The following NALCN variants were observed in gnomAD, a reference collection of about 807,000 sequenced individuals.
The protein encoded by NALCN is sodium leak channel, non-selective, also known as sodium leak channel NALCN.
Under a neutral mutation model 225.3 loss-of-function variants are expected in NALCN, and 111 were observed. That is an observed-to-expected ratio of 0.49 (90% CI 0.42 to 0.58). The LOEUF (loss-of-function observed/expected upper bound fraction) is 0.58, where lower values mean the gene tolerates loss of function less well. NALCN is among the 20% of genes least tolerant of loss of function. The probability of loss-of-function intolerance (pLI) is 0.00; values close to 1 mark genes in which losing one functional copy is unlikely to be tolerated. For synonymous variants in NALCN, 764 were observed against 769.0 expected (o/e 0.99, Z 0.11); for missense variants, 1,378 against 2,202.4 (o/e 0.63, Z 7.49).
chr13:101,121,321 C>T (rs958437849), intron 18 of NALCN, among the ~76,000 whole-genome samples: 2 of 152,110 alleles, frequency 1.3e-5, no homozygotes, highest in East Asian at 1.9e-4. Flanking sequence ...CAAGGGGTTG[C>T]TTTATTTTTT....
At position 101,204,554 on chromosome 13, in the gene NALCN, C is replaced by A. The variant is rs61247503; in HGVS notation, c.1627-12500G>T. Among the ~76,000 whole-genome samples, 1,097 of 152,142 alleles carry A rather than the reference C, an allele frequency of 7.2e-3. 16 individuals are homozygous for A. The highest frequency in any genetic ancestry group is 0.025 in the African/African-American group (1,052 of 41,510). Reference sequence around the variant, plus strand: ...TGAACATAATTAGAAGCAAAGCAGACATCAGAACATTATGCCTATTCCAGC... The same window carrying A: ...TGAACATAATTAGAAGCAAAGCAGAAATCAGAACATTATGCCTATTCCAGC... On this transcript the variant is annotated intron_variant, in intron 13 of 43. Transcript: ENST00000251127.
At chr13:101,098,926 G>A (rs1033271723) in intron 27 of NALCN, among the ~76,000 whole-genome samples, 4 of 151,848 alleles carry the variant, frequency 2.6e-5, no homozygotes, top group African/African-American at 4.8e-5. Flanking sequence ...TCTGAGCCTC[G>A]CACAGACCTC....
rs553846969 is a variant in NALCN at position 101,100,832 on chromosome 13, A to C, written c.3114T>G (p.Leu1038=). 2 of 1,612,248 alleles carry C rather than the reference A, an allele frequency of 1.2e-6. No individual in the cohort carries two copies. Among genetic ancestry groups the C allele is most frequent in the South Asian group, 2.2e-5 (2 of 90,752 alleles). ...MLVFASFGVQ[L]FAGKLAKCND... is the part of the protein sequence containing the mutation. The stretch of plus-strand genomic sequence containing the variant: ...TGCACTTGGCCAGTTTTCCAGCAAA[A>C]AGCTGAACTCCAAAGCTTGCAAAAA... Residue 1038 remains leucine, a synonymous_variant, in exon 27 of 44, where the codon CTT becomes CTG. Transcript: ENST00000251127.
intron 7 of NALCN, among the ~76,000 whole-genome samples, chr13:101,313,943 A>C (rs1193116012): frequency 3.3e-5 from 5 of 152,154 alleles, no homozygotes; most frequent in Admixed American, 2.6e-4. Context: ...TGGATTAGGA[A>C]AATGTGGCAC....
intron 17 of NALCN, among the ~76,000 whole-genome samples, chr13:101,132,309 AT>A (rs2036556985): frequency 6.6e-6 from 1 of 151,652 alleles, no homozygotes; most frequent in Non-Finnish European, 1.5e-5. Flanking sequence ...TTTTGTGGTT[AT>A]TTTCTTCTTA....
intron 6 of NALCN, among the ~76,000 whole-genome samples, chr13:101,375,955 G>T (rs2046677384): frequency 6.6e-6 from 1 of 152,014 alleles, no homozygotes; most frequent in South Asian, 2.1e-4. Flanking sequence ...TATTAACAAT[G>T]ATCAGCCAAG....
intron 15 of NALCN, among the ~76,000 whole-genome samples, chr13:101,162,214 C>T (rs974247643): frequency 4.6e-5 from 7 of 152,160 alleles, no homozygotes; most frequent in African/African-American, 1.7e-4. Context: ...TCAATCTTTA[C>T]ACAGTTAGGA....
At chr13:101,194,092 T>C (rs897995988) in intron 13 of NALCN, among the ~76,000 whole-genome samples, 1 of 152,208 alleles carries the variant, frequency 6.6e-6, no homozygotes, top group Admixed American at 6.5e-5. Flanking sequence ...GTCTTGGGCA[T>C]GAACCAGCTG....
intron 7 of NALCN, among the ~76,000 whole-genome samples, chr13:101,305,128 G>C (rs554966461): frequency 2.0e-5 from 3 of 152,100 alleles, no homozygotes; most frequent in African/African-American, 7.2e-5. Flanking sequence ...TATACCTGAC[G>C]GTTTTTATGA....
chr13:101,319,237 C>T (rs1428985414), intron 7 of NALCN, among the ~76,000 whole-genome samples: 1 of 152,290 alleles, frequency 6.6e-6, no homozygotes, highest in Non-Finnish European at 1.5e-5. Context: ...CTTGTCTAGT[C>T]CTAACCTGCT....
intron 6 of NALCN, among the ~76,000 whole-genome samples, chr13:101,371,422 G>A (rs2046536733): frequency 6.6e-6 from 1 of 152,116 alleles, no homozygotes; most frequent in Admixed American, 6.6e-5. Flanking sequence ...GGGCTCAAGT[G>A]ATCATCCCAC....
chr13:101,408,062 G>T (rs1259467670), intron 1 of NALCN, among the ~76,000 whole-genome samples: 1 of 152,114 alleles, frequency 6.6e-6, no homozygotes, highest in African/African-American at 2.4e-5. Flanking sequence ...AGGTCACATG[G>T]TTAGCTGTGA....
intron 10 of NALCN, among the ~76,000 whole-genome samples, 171 bp from the exon 11 acceptor site, chr13:101,258,745 C>T (rs894805797): frequency 6.6e-6 from 1 of 152,164 alleles, no homozygotes; most frequent in African/African-American, 2.4e-5. Flanking sequence ...GGCAAGGGAA[C>T]CTTTCTTTCA....
At chr13:101,224,801 GC>G (rs2041074877) in intron 13 of NALCN, among the ~76,000 whole-genome samples, 4 of 152,062 alleles carry the variant, frequency 2.6e-5, no homozygotes, top group Admixed American at 2.6e-4. Flanking sequence ...CCATTGAAGG[GC>G]CCATAACTAC....
At position 101,416,350 on chromosome 13, in the gene NALCN, GGGC is replaced by G. The variant is rs1035440197; in HGVS notation, c.-80_-78del. On this transcript the variant is annotated 5_prime_UTR_variant, in exon 1 of 44. Coordinates refer to ENST00000251127, the MANE Select transcript of NALCN (RefSeq NM_052867.4). ...CGCTCAGAGCTGTCATGGTGCCCGC[GGGC>G]GGCGGCGGCGGCGACAGTGGGCGAC... The G allele has an allele frequency of 5.9e-5, 9 of 152,640 alleles. No individual in the cohort carries two copies. Among genetic ancestry groups the G allele is most frequent in the Admixed American group, 2.6e-4 (4 of 15,210 alleles). The allele number at this position is 152,640 out of a possible 1,614,324, so 9.5% of individuals were successfully genotyped here.
At chr13:101,307,607 C>G (rs765039025) in intron 7 of NALCN, among the ~76,000 whole-genome samples, 4 of 152,132 alleles carry the variant, frequency 2.6e-5, no homozygotes, top group Non-Finnish European at 5.9e-5. Flanking sequence ...GGAATTTGAA[C>G]AAATTCCTGT....
At chr13:101,162,306 G>A (rs2038226808) in intron 15 of NALCN, among the ~76,000 whole-genome samples, 1 of 152,152 alleles carries the variant, frequency 6.6e-6, no homozygotes, top group South Asian at 2.1e-4. Context: ...ACTTATTATT[G>A]TACCTGGCCT....
intron 40 of NALCN, 152 bp from the exon 41 acceptor site, chr13:101,062,270 T>C: frequency 1.3e-6 from 1 of 758,740 alleles, no homozygotes; most frequent in Non-Finnish European, 2.1e-6. Flanking sequence ...GGGCTGGTCC[T>C]GTCACCTCTC....
intron 9 of NALCN, among the ~76,000 whole-genome samples, chr13:101,290,285 T>C (rs144060617): frequency 2.6e-5 from 4 of 152,312 alleles, no homozygotes; most frequent in East Asian, 3.9e-4. Flanking sequence ...ATAAACATAC[T>C]ATGGTTTTAA....
Sources: allele counts gnomAD v4.1 joint callset (sites outside exome capture counted in the v4.1 genomes callset), GRCh38; gene constraint gnomAD v4.1.1; transcripts MANE v1.5; gene names NCBI Gene and HGNC (gene_info 2026-07-23, HGNC 2026-07-21).